Variants in RTN4 observed in about 807,000 individuals in gnomAD.
RTN4 encodes the protein reticulon 4, also known as reticulon-4.
A neutral mutation model predicts 90.4 loss-of-function variants in RTN4; 32 were observed. The observed-to-expected ratio is 0.35, with a 90% CI of 0.27 to 0.48. The LOEUF is 0.48. Among genes scored for constraint, RTN4 ranks in the 20% least tolerant of loss-of-function variants. RTN4 has a pLI of 0.99. For missense variants in RTN4, 1,706 were observed against 1,430.2 expected, an observed-to-expected ratio of 1.19 and a Z score of -3.11; for synonymous variants, 629 against 552.5, an observed-to-expected ratio of 1.14 and a Z score of -1.94.
chr2:55,038,940 C>T (rs1454338404), intron 1 of RTN4, among the ~76,000 whole-genome samples: 1 of 152,198 alleles, frequency 6.6e-6, no homozygotes, highest in African/African-American at 2.4e-5. Context: ...TTACTGATAC[C>T]TGCAGCATCA....
chr2:55,096,941 T>C (rs1018187823), intron 1 of RTN4, among the ~76,000 whole-genome samples: 1 of 151,942 alleles, frequency 6.6e-6, no homozygotes, highest in African/African-American at 2.4e-5. Context: ...GGTTGTTAGG[T>C]AGATGCGAGG....
chr2:54,990,579 T>C (rs550488572), intron 3 of RTN4, among the ~76,000 whole-genome samples: 1 of 152,308 alleles, frequency 6.6e-6, no homozygotes, highest in Non-Finnish European at 1.5e-5. Flanking sequence ...AATACTTAAA[T>C]AGTAAATACA....
chr2:55,058,895 G>A (rs561578870), intron 2 of RTN4, among the ~76,000 whole-genome samples: 12 of 152,068 alleles, frequency 7.9e-5, no homozygotes, highest in African/African-American at 2.7e-4. Context: ...ATAATAGAGA[G>A]GAGGGTCTCA....
At chr2:55,130,682 T>G in the RTN4 span, among the ~76,000 whole-genome samples, 2 of 151,824 alleles carry the variant, frequency 1.3e-5, no homozygotes, top group African/African-American at 4.8e-5. Context: ...ACCCAAGAGG[T>G]GGAGGTTGCA....
chr2:55,099,467 G>C (rs930086255), intron 1 of RTN4, among the ~76,000 whole-genome samples: 1 of 151,992 alleles, frequency 6.6e-6, no homozygotes, highest in Non-Finnish European at 1.5e-5. Context: ...ATATGACAAA[G>C]TGCTTCAGGG....
upstream of RTN4, among the ~76,000 whole-genome samples, chr2:55,115,430 C>G (rs1017933077): frequency 6.6e-6 from 1 of 152,152 alleles, no homozygotes; most frequent in Non-Finnish European, 1.5e-5. Context: ...TAAGAACTTC[C>G]GTGATTACAC....
At chr2:55,079,829 C>A (rs1013957225) in intron 2 of RTN4, among the ~76,000 whole-genome samples, 4 of 152,184 alleles carry the variant, frequency 2.6e-5, no homozygotes, top group Admixed American at 2.6e-4. Flanking sequence ...ACTAGTACAG[C>A]ATACTATAGT....
intron 1 of RTN4, among the ~76,000 whole-genome samples, chr2:55,089,534 A>C (rs1668900553): frequency 6.6e-6 from 1 of 152,224 alleles, no homozygotes; most frequent in African/African-American, 2.4e-5. Context: ...TAACGGATTT[A>C]TCAATTACGG....
intron 3 of RTN4, among the ~76,000 whole-genome samples, chr2:54,993,820 A>G (rs752421303): frequency 1.3e-5 from 2 of 152,208 alleles, no homozygotes; most frequent in Non-Finnish European, 2.9e-5. Context: ...CACACATAAG[A>G]TAATATGAAT....
chr2:55,006,197 T>G (rs969694589), intron 3 of RTN4, among the ~76,000 whole-genome samples: 7 of 152,306 alleles, frequency 4.6e-5, no homozygotes, highest in Non-Finnish European at 7.4e-5. Flanking sequence ...ACTCTTCTAC[T>G]TACCTTCTAA....
chr2:55,019,245 T>C (rs1681254633), intron 3 of RTN4, among the ~76,000 whole-genome samples: 1 of 152,158 alleles, frequency 6.6e-6, no homozygotes, highest in Non-Finnish European at 1.5e-5. Flanking sequence ...GAGGGTCAAA[T>C]GAAAAATGTA....
At chr2:55,078,802 AAG>A (rs896110800) in intron 2 of RTN4, among the ~76,000 whole-genome samples, 13 of 152,322 alleles carry the variant, frequency 8.5e-5, no homozygotes, top group Admixed American at 6.5e-4. Context: ...TGAGGTTACT[AAG>A]AGAGAGGTAG....
At chr2:55,012,398 G>A (rs1680709599) in intron 3 of RTN4, among the ~76,000 whole-genome samples, 1 of 150,940 alleles carries the variant, frequency 6.6e-6, no homozygotes, top group South Asian at 2.1e-4. Flanking sequence ...TATGGTCTTT[G>A]TAAGTGTACA....
chr2:55,068,704 C>A (rs1385147944), intron 2 of RTN4, among the ~76,000 whole-genome samples: 1 of 149,444 alleles, frequency 6.7e-6, no homozygotes, highest in Non-Finnish European at 1.5e-5. Flanking sequence ...GCTAGTTTGG[C>A]TTGCAGCTCA....
chr2:55,073,954 G>A (rs1480522907), intron 2 of RTN4, among the ~76,000 whole-genome samples: 3 of 152,164 alleles, frequency 2.0e-5, no homozygotes, highest in African/African-American at 7.2e-5. Flanking sequence ...CCCCAGTTTC[G>A]TTGCAAGGTG....
At chr2:55,060,069 G>A (rs1257470826) in intron 2 of RTN4, among the ~76,000 whole-genome samples, 1 of 152,126 alleles carries the variant, frequency 6.6e-6, no homozygotes, top group East Asian at 1.9e-4. Flanking sequence ...CAGCCAGTGG[G>A]TGTCTTGCTA....
chr2:54,976,590 G>A (rs1466936106), intron 5 of RTN4, among the ~76,000 whole-genome samples: 1 of 152,174 alleles, frequency 6.6e-6, no homozygotes, highest in Non-Finnish European at 1.5e-5. Context: ...AAATGTTGCA[G>A]CTATGTTGAG....
At chr2:55,122,099 G>T in the RTN4 span, among the ~76,000 whole-genome samples, 1 of 151,842 alleles carries the variant, frequency 6.6e-6, no homozygotes, top group Non-Finnish European at 1.5e-5. Flanking sequence ...CTGGACTCAA[G>T]CGATCCTCCC....
chr2:55,066,505 G>C (rs1668396494), intron 2 of RTN4, among the ~76,000 whole-genome samples: 1 of 151,920 alleles, frequency 6.6e-6, no homozygotes, highest in African/African-American at 2.4e-5. Flanking sequence ...GACCAGCCTG[G>C]CCAACATGGT....
Sources: allele counts gnomAD v4.1 joint callset (sites outside exome capture counted in the v4.1 genomes callset), GRCh38; gene constraint gnomAD v4.1.1; transcripts MANE v1.5; gene names NCBI Gene and HGNC (gene_info 2026-07-23, HGNC 2026-07-21).